Variants in WASHC3 observed in about 807,000 individuals in gnomAD.
WASHC3 encodes the protein WASH complex subunit CCDC53.
A neutral mutation model predicts 26.1 loss-of-function variants in WASHC3; 24 were observed. The ratio of observed to expected loss-of-function variants is 0.92; its 90% CI spans 0.66 to 1.29. The LOEUF is 1.29. Ranked by LOEUF, WASHC3 falls within the 50% of genes most tolerant of loss-of-function variation. WASHC3 has a pLI of 0.00. For missense variants in WASHC3, 214 were observed against 229.6 expected (o/e 0.93, Z 0.44); for synonymous variants, 77 against 75.7 (o/e 1.02, Z -0.09).
chr12:102,029,788 C>A (rs1388774978), intron 5 of WASHC3, among the ~76,000 whole-genome samples: 1 of 151,916 alleles, frequency 6.6e-6, no homozygotes, highest in African/African-American at 2.4e-5. Flanking sequence ...TCTTCCCTAC[C>A]TAAGGCAACA....
intron 2 of WASHC3, among the ~76,000 whole-genome samples, chr12:102,047,348 A>G (rs999082391): frequency 6.6e-6 from 1 of 152,206 alleles, no homozygotes; most frequent in Non-Finnish European, 1.5e-5. Flanking sequence ...AAAAACTGAA[A>G]GTGGCCACAA....
intron 6 of WASHC3, among the ~76,000 whole-genome samples, chr12:102,015,280 A>G (rs933633783): frequency 6.6e-6 from 1 of 151,872 alleles, no homozygotes; most frequent in African/African-American, 2.4e-5. Flanking sequence ...AACAGAGTGA[A>G]ACCCTGTCTC....
At position 102,024,386 on chromosome 12, in the gene WASHC3, A is replaced by G. The variant is rs142737647; in HGVS notation, c.500+1588T>C. On this transcript the variant is annotated intron_variant, in intron 6 of 6. Coordinates refer to ENST00000240079, the MANE Select transcript of WASHC3 (RefSeq NM_016053.4). The stretch of plus-strand genomic sequence containing the variant: ...ACTATAGTAATTCAGATTACAAACG[A>G]TGAGGGCGTGAACTAAACGGCAATG... Among the ~76,000 whole-genome samples, 688 of 152,296 alleles carry G rather than the reference A, an allele frequency of 4.5e-3. 4 individuals carry two copies. The highest frequency in any genetic ancestry group is 0.015 in the South Asian group (72 of 4,832).
chr12:102,046,206 C>T, intron 2 of WASHC3, 87 bp from the exon 3 acceptor site: 1 of 745,598 alleles, frequency 1.3e-6, no homozygotes, highest in Non-Finnish European at 2.3e-6. Context: ...ATATTAAAAA[C>T]CATTAAATAT....
intron 2 of WASHC3, among the ~76,000 whole-genome samples, chr12:102,057,299 C>G (rs1020660473): frequency 1.3e-5 from 2 of 152,100 alleles, no homozygotes; most frequent in Non-Finnish European, 2.9e-5. Flanking sequence ...GACAAGCCCA[C>G]AGCTAGCATC....
intron 6 of WASHC3, among the ~76,000 whole-genome samples, chr12:102,014,492 T>C (rs1876615997): frequency 6.6e-6 from 1 of 152,164 alleles, no homozygotes; most frequent in Non-Finnish European, 1.5e-5. Context: ...GAAATTACTA[T>C]TACTAAAATA....
At chr12:102,024,539 G>A (rs1303697903) in intron 6 of WASHC3, among the ~76,000 whole-genome samples, 3 of 152,182 alleles carry the variant, frequency 2.0e-5, no homozygotes, top group African/African-American at 7.2e-5. Context: ...CAGGTAGCTG[G>A]CTGAAGTAAA....
intron 2 of WASHC3, among the ~76,000 whole-genome samples, chr12:102,055,134 A>G (rs1878542584): frequency 6.6e-6 from 1 of 152,206 alleles, no homozygotes; most frequent in Admixed American, 6.5e-5. Context: ...TTTGAAAAGA[A>G]AAACAAAATC....
intron 2 of WASHC3, chr12:102,050,197 C>T (rs1338002397): frequency 2.6e-6 from 1 of 389,916 alleles, no homozygotes; most frequent in Non-Finnish European, 5.0e-6. Context: ...ACCTGTAGTT[C>T]CAGCTACTTG....
rs760007739 is a variant in WASHC3, at chr12:102,013,128, C to T, written c.565G>A (p.Glu189Lys). 14 of 1,511,746 alleles carry T rather than the reference C, an allele frequency of 9.3e-6. No homozygotes were observed. The highest frequency in any genetic ancestry group is 1.4e-5 in the African/African-American group (1 of 72,552). The allele number at this position is 1,511,746 out of a possible 1,614,324, so 93.6% of individuals were successfully genotyped here. ...EKTVEESSDS[E>K]SSFSD ...TAAGCTTAATCACTAAAAGAAGATT[C>T]GCTATCTGAACTTTCTTCTACAGTT... is the stretch of plus-strand genomic sequence containing the variant. The change falls in exon 7 of 7, where the codon GAA becomes AAA. Residue 189 changes from glutamate to lysine, a missense_variant. Transcript: ENST00000240079.
At position 102,013,042 on chromosome 12, in the gene WASHC3, C is replaced by T. The variant is rs938883193; in HGVS notation, c.*66G>A. The T allele has an allele frequency of 1.4e-6, 1 of 727,514 alleles. No individual in the cohort carries two copies. Among genetic ancestry groups the T allele is most frequent in the Non-Finnish European group, 2.3e-6 (1 of 426,272 alleles). 45.1% of individuals were successfully genotyped at this position (727,514 alleles called of 1,614,324 possible). A position where few individuals can be genotyped will look rare whatever the true frequency, so the allele number is the denominator to read the frequency against. On this transcript the variant is annotated 3_prime_UTR_variant, in exon 7 of 7. Coordinates refer to ENST00000240079, the MANE Select transcript of WASHC3 (RefSeq NM_016053.4). ...GTTTTTATGACTAAGAGAGTTCAGG[C>T]TCAATCTCTTACAGAATGTAAATGT...
At chr12:102,020,154 ACT>A (rs1876891484) in intron 6 of WASHC3, among the ~76,000 whole-genome samples, 2 of 152,090 alleles carry the variant, frequency 1.3e-5, no homozygotes, top group Non-Finnish European at 2.9e-5. Flanking sequence ...AGAAGAGGGA[ACT>A]CTCTCTCTGT....
chr12:102,036,238 C>A (rs1403442112), intron 5 of WASHC3, among the ~76,000 whole-genome samples: 4 of 151,620 alleles, frequency 2.6e-5, no homozygotes, highest in African/African-American at 9.7e-5. Context: ...CGGGCACCAC[C>A]TTAATCCCAG....
intron 2 of WASHC3, among the ~76,000 whole-genome samples, chr12:102,051,944 T>C (rs763366488): frequency 6.6e-6 from 1 of 152,136 alleles, no homozygotes; most frequent in Non-Finnish European, 1.5e-5. Context: ...AATATCCAAA[T>C]TGCTAAAATA....
intron 5 of WASHC3, among the ~76,000 whole-genome samples, chr12:102,039,199 C>T (rs1877827680): frequency 7.0e-6 from 1 of 142,892 alleles, no homozygotes; most frequent in Admixed American, 7.1e-5. Flanking sequence ...TGGTCTCAAA[C>T]TCCTGTCTTC....
intron 6 of WASHC3, among the ~76,000 whole-genome samples, chr12:102,019,532 A>C (rs1475298000): frequency 6.6e-6 from 1 of 152,224 alleles, no homozygotes; most frequent in East Asian, 1.9e-4. Flanking sequence ...TTTTAAATAC[A>C]TAAGTGAATT....
intron 6 of WASHC3, among the ~76,000 whole-genome samples, chr12:102,017,373 T>C (rs1419171587): frequency 6.7e-6 from 1 of 150,346 alleles, no homozygotes; most frequent in East Asian, 1.9e-4. Context: ...AAGGCTGAAC[T>C]GTTTGTGTGA....
chr12:102,060,136 A>G (rs563023969), intron 2 of WASHC3, among the ~76,000 whole-genome samples: 2 of 152,384 alleles, frequency 1.3e-5, no homozygotes, highest in South Asian at 2.1e-4. Context: ...TATACCTTAC[A>G]TAAGACAGAA....
intron 2 of WASHC3, among the ~76,000 whole-genome samples, chr12:102,047,645 T>C (rs1373957466): frequency 6.6e-6 from 1 of 152,242 alleles, no homozygotes; most frequent in East Asian, 1.9e-4. Context: ...AGAGAAAAAA[T>C]TCCACAGCAA....
Sources: allele counts gnomAD v4.1 joint callset (sites outside exome capture counted in the v4.1 genomes callset), GRCh38; gene constraint gnomAD v4.1.1; transcripts MANE v1.5; gene names NCBI Gene and HGNC (gene_info 2026-07-23, HGNC 2026-07-21).